The following KCNK2 variants were observed in gnomAD, a reference collection of about 807,000 sequenced individuals.
The protein encoded by KCNK2 is potassium channel subfamily K member 2.
Under a neutral mutation model 40.5 loss-of-function variants are expected in KCNK2, and 21 were observed. The ratio of observed to expected loss-of-function variants is 0.52; its 90% CI spans 0.37 to 0.75. KCNK2 has a LOEUF of 0.75. KCNK2 is among the 30% of genes least tolerant of loss of function. KCNK2 has a pLI of 0.00. For missense variants in KCNK2, 399 were observed against 531.6 expected (o/e 0.75, Z 2.45); for synonymous variants, 191 against 202.2 (o/e 0.94, Z 0.47).
At chr1:215,080,079 T>C (rs538969410), upstream of KCNK2, among the ~76,000 whole-genome samples, 7 of 152,274 alleles carry the variant, frequency 4.6e-5, no homozygotes, top group East Asian at 7.7e-4. Context: ...TATGTATGAA[T>C]TGATAGCAAA....
intron 1 of KCNK2, among the ~76,000 whole-genome samples, chr1:215,007,031 ATATATATGTG>A (rs1290582445): frequency 2.5e-5 from 2 of 79,300 alleles, no homozygotes; most frequent in African/African-American, 1.1e-4. Context: ...ATATATATAT[ATATATATGTG>A]TGTGTGTGTA....
chr1:215,181,300 G>A (rs1296649485), intron 5 of KCNK2, among the ~76,000 whole-genome samples: 1 of 152,020 alleles, frequency 6.6e-6, no homozygotes, highest in Admixed American at 6.6e-5. Context: ...ACTGTGTACT[G>A]GCTTTTGTTA....
chr1:215,191,209 C>T (rs576061068), intron 5 of KCNK2, among the ~76,000 whole-genome samples: 2 of 150,504 alleles, frequency 1.3e-5, no homozygotes, highest in South Asian at 2.1e-4. Flanking sequence ...CGCTTGAATA[C>T]GGGAGGTGGA....
chr1:215,044,270 A>G (rs1335528315), intron 1 of KCNK2, among the ~76,000 whole-genome samples: 1 of 152,204 alleles, frequency 6.6e-6, no homozygotes, highest in Non-Finnish European at 1.5e-5. Context: ...CAGTATAAAT[A>G]TTATACCCTT....
At chr1:215,011,890 G>A (rs563661851) in intron 1 of KCNK2, among the ~76,000 whole-genome samples, 78 of 151,098 alleles carry the variant, frequency 5.2e-4, no homozygotes, top group African/African-American at 1.7e-3. Context: ...ACAGGCGTGA[G>A]TCACCGTGCC....
At chr1:215,177,854 G>A (rs1042373339) in intron 5 of KCNK2, among the ~76,000 whole-genome samples, 2 of 146,166 alleles carry the variant, frequency 1.4e-5, no homozygotes, top group South Asian at 2.1e-4. Flanking sequence ...TACTTTGACT[G>A]TTCAGGCTCC....
At chr1:215,025,051 A>G (rs2102481184) in intron 1 of KCNK2, among the ~76,000 whole-genome samples, 1 of 152,012 alleles carries the variant, frequency 6.6e-6, no homozygotes, top group African/African-American at 2.4e-5. Flanking sequence ...ATTTGTTAAA[A>G]GCTAAGCTAT....
intron 3 of KCNK2, among the ~76,000 whole-genome samples, chr1:215,134,604 C>T (rs1190072219): frequency 1.3e-5 from 2 of 152,112 alleles, no homozygotes; most frequent in Non-Finnish European, 2.9e-5. Flanking sequence ...GTTCTTCTCA[C>T]CTTTCTGGAG....
intron 3 of KCNK2, among the ~76,000 whole-genome samples, chr1:215,151,412 C>G (rs1344668427): frequency 1.3e-5 from 2 of 152,052 alleles, no homozygotes; most frequent in African/African-American, 4.8e-5. Context: ...TCTCTCTGTT[C>G]AGTACCCTGT....
At chr1:215,016,682 T>C (rs958942859) in intron 1 of KCNK2, among the ~76,000 whole-genome samples, 4 of 152,138 alleles carry the variant, frequency 2.6e-5, no homozygotes, top group African/African-American at 9.7e-5. Context: ...TGCATGACAT[T>C]GGTCTGGACA....
intron 5 of KCNK2, among the ~76,000 whole-genome samples, chr1:215,193,298 C>T (rs554384968): frequency 1.3e-5 from 2 of 152,274 alleles, no homozygotes; most frequent in African/African-American, 4.8e-5. Context: ...TCTGTTTAAG[C>T]ACCTCCAGTC....
chr1:215,106,343 A>G (rs1660439013), intron 2 of KCNK2, among the ~76,000 whole-genome samples: 1 of 152,032 alleles, frequency 6.6e-6, no homozygotes, highest in African/African-American at 2.4e-5. Context: ...GATGATTAGC[A>G]ATGTTGAGCA....
At chr1:215,130,421 A>T (rs923389487) in intron 3 of KCNK2, among the ~76,000 whole-genome samples, 6 of 152,204 alleles carry the variant, frequency 3.9e-5, no homozygotes, top group African/African-American at 1.4e-4. Context: ...TAGTAAGGAA[A>T]ATGCTTTCCA....
chr1:215,139,233 A>G lies in KCNK2; in HGVS notation c.475+14483A>G, dbSNP rs1271682428. Among the ~76,000 whole-genome samples the G allele has an allele frequency of 2.6e-5, 4 of 152,162 alleles. No homozygotes were observed. The East Asian group carries it at 7.7e-4, about 29-fold the overall frequency. On this transcript the variant is annotated intron_variant, in intron 3 of 6. Coordinates refer to ENST00000444842, the MANE Select transcript of KCNK2 (RefSeq NM_001017425.3). ...ACCATTTCTTATCATTCTAGGAATC[A>G]TTTATGTATGGATATGTGTGTGTGA...
At chr1:215,217,181 C>T (rs1402843132) in intron 6 of KCNK2, among the ~76,000 whole-genome samples, 1 of 152,132 alleles carries the variant, frequency 6.6e-6, no homozygotes, top group Admixed American at 6.5e-5. Flanking sequence ...GGAACACTGG[C>T]TCATCAGTGG....
intron 2 of KCNK2, among the ~76,000 whole-genome samples, chr1:215,094,793 T>A (rs2102543091): frequency 6.6e-6 from 1 of 152,066 alleles, no homozygotes. Context: ...GCCATATAAG[T>A]GGTATATATC....
chr1:215,015,519 A>C (rs577505832), intron 1 of KCNK2, among the ~76,000 whole-genome samples: 2 of 152,224 alleles, frequency 1.3e-5, no homozygotes, highest in African/African-American at 2.4e-5. Context: ...TCCATTCATG[A>C]CCTGAGATGG....
At chr1:215,188,760 G>A (rs145574430) in intron 5 of KCNK2, among the ~76,000 whole-genome samples, 5 of 152,254 alleles carry the variant, frequency 3.3e-5, no homozygotes, top group Non-Finnish European at 5.9e-5. Context: ...AACAAGGAAA[G>A]TACCTGATAA....
chr1:215,128,889 T>C (rs185630294), intron 3 of KCNK2, among the ~76,000 whole-genome samples: 1 of 152,294 alleles, frequency 6.6e-6, no homozygotes, highest in Admixed American at 6.5e-5. Context: ...TTTTTGAGGA[T>C]CTACTACAAT....
Sources: gnomAD v4.1 joint callset for allele counts (sites outside exome capture counted in the v4.1 genomes callset) on GRCh38, gnomAD v4.1.1 for gene constraint, MANE v1.5 for transcripts, NCBI Gene and HGNC (gene_info 2026-07-23, HGNC 2026-07-21) for gene names.